TENM2: variants seen among roughly 807,000 people sequenced by gnomAD.
TENM2 encodes teneurin transmembrane protein 2, also known as teneurin-2.
TENM2 carries 52 observed loss-of-function variants against 245.2 expected under a neutral mutation model. The observed-to-expected ratio is 0.21, with a 90% CI of 0.17 to 0.27. The LOEUF is 0.27. Among genes scored for constraint, TENM2 ranks in the 10% least tolerant of loss-of-function variants. The pLI is 1.00. For missense variants in TENM2, 3,046 were observed against 3,666.8 expected, an observed-to-expected ratio of 0.83 and a Z score of 4.37; for synonymous variants, 1,363 against 1,438.9, an observed-to-expected ratio of 0.95 and a Z score of 1.19.
the TENM2 span, among the ~76,000 whole-genome samples, chr5:167,073,878 T>C: frequency 6.6e-6 from 1 of 152,194 alleles, no homozygotes; most frequent in African/African-American, 2.4e-5. Flanking sequence ...CCCGGTTAAA[T>C]TGTTTCTGCT....
At chr5:167,112,444 A>C in the TENM2 span, among the ~76,000 whole-genome samples, 347 of 152,352 alleles carry the variant, frequency 2.3e-3, 3 homozygotes, top group African/African-American at 7.9e-3. Context: ...AAAAAGGTTC[A>C]TGTACATATG....
At chr5:167,633,407 A>T (rs1778996339) in intron 2 of TENM2, among the ~76,000 whole-genome samples, 1 of 152,134 alleles carries the variant, frequency 6.6e-6, no homozygotes, top group Non-Finnish European at 1.5e-5. Context: ...AAAAATTAAG[A>T]CTTGAATTAG....
rs921048767 is a variant in TENM2 at position 167,914,285 on chromosome 5, A to G, written c.712+38090A>G. ...AGTACAAAATGGTTTGATTTGTGCT[A>G]AAATCAAGGAGTCAGCAAGGCTGAA... On this transcript the variant is annotated intron_variant, in intron 3 of 28. Coordinates refer to ENST00000518659, the Ensembl canonical transcript of TENM2. Among the ~76,000 whole-genome samples, 3 of 152,220 alleles carry G rather than the reference A, an allele frequency of 2.0e-5. No individual in the cohort carries two copies. The East Asian group carries it at 5.8e-4, about 29-fold the overall frequency.
intron 2 of TENM2, among the ~76,000 whole-genome samples, chr5:167,696,028 C>T (rs970719013): frequency 4.1e-5 from 6 of 144,850 alleles, no homozygotes; most frequent in African/African-American, 7.6e-5. Flanking sequence ...AGCAAGACTC[C>T]GTCAAAAAAA....
chr5:167,078,973 C>T, the TENM2 span, among the ~76,000 whole-genome samples: 1 of 151,932 alleles, frequency 6.6e-6, no homozygotes, highest in African/African-American at 2.4e-5. Context: ...GTGGGACTCC[C>T]TAGAGAGGGA....
chr5:167,468,829 G>T (rs1766830482), intron 2 of TENM2, among the ~76,000 whole-genome samples: 1 of 152,068 alleles, frequency 6.6e-6, no homozygotes, highest in East Asian at 1.9e-4. Context: ...TAATTCAGCA[G>T]TTTTAACATG....
At chr5:167,451,775 A>G (rs1379152245) in intron 2 of TENM2, among the ~76,000 whole-genome samples, 1 of 151,986 alleles carries the variant, frequency 6.6e-6, no homozygotes. Context: ...CCGCCTCCCA[A>G]GTAGCTGGGA....
intron 7 of TENM2, among the ~76,000 whole-genome samples, chr5:168,062,534 C>G (rs992498329): frequency 6.6e-6 from 1 of 152,080 alleles, no homozygotes; most frequent in Non-Finnish European, 1.5e-5. Context: ...TAGGTATATA[C>G]CCAGAGAAAA....
chr5:167,060,835 A>G, the TENM2 span, among the ~76,000 whole-genome samples: 1 of 151,986 alleles, frequency 6.6e-6, no homozygotes, highest in Admixed American at 6.6e-5. Flanking sequence ...TTCAACATTC[A>G]TTTTGGACTC....
chr5:168,240,728 A>T (rs78363072), intron 25 of TENM2, among the ~76,000 whole-genome samples: 208 of 152,014 alleles, frequency 1.4e-3, no homozygotes, highest in African/African-American at 4.0e-3. Flanking sequence ...AAGAAAAAAA[A>T]ATATAAGAAA....
At chr5:167,861,116 C>G (rs10066693) in intron 2 of TENM2, among the ~76,000 whole-genome samples, 3,830 of 151,800 alleles carry the variant, frequency 0.025, 166 homozygotes, top group African/African-American at 0.086. Context: ...CCCTAGCAAT[C>G]GCTCACTTGG....
At chr5:167,682,726 T>C (rs7724248) in intron 2 of TENM2, among the ~76,000 whole-genome samples, 68,368 of 151,794 alleles carry the variant, frequency 0.45, 17,582 homozygotes, top group East Asian at 0.9. Flanking sequence ...GCTGCGTGGC[T>C]TGGTTCCCAA....
chr5:167,192,583 G>A, the TENM2 span, among the ~76,000 whole-genome samples: 1 of 152,006 alleles, frequency 6.6e-6, no homozygotes, highest in Non-Finnish European at 1.5e-5. Context: ...GAACCACATT[G>A]GGTGTGATCT....
At chr5:167,418,615 A>C (rs1763304080) in intron 2 of TENM2, among the ~76,000 whole-genome samples, 1 of 152,224 alleles carries the variant, frequency 6.6e-6, no homozygotes, top group Non-Finnish European at 1.5e-5. Flanking sequence ...AGAATCTGTG[A>C]CCAACAGGAA....
chr5:168,141,102 C>T (rs1337107411), intron 12 of TENM2, among the ~76,000 whole-genome samples: 2 of 152,076 alleles, frequency 1.3e-5, no homozygotes, highest in Non-Finnish European at 2.9e-5. Context: ...GCTCTATGTC[C>T]TGCTCTACTC....
At chr5:167,340,423 G>C (rs1176443195) in intron 1 of TENM2, among the ~76,000 whole-genome samples, 1 of 152,122 alleles carries the variant, frequency 6.6e-6, no homozygotes, top group African/African-American at 2.4e-5. Context: ...CCAAGATCAG[G>C]GTCCCAGCAT....
chr5:167,756,185 AC>A (rs1336827994), intron 2 of TENM2, among the ~76,000 whole-genome samples: 3 of 152,164 alleles, frequency 2.0e-5, no homozygotes, highest in African/African-American at 7.2e-5. Flanking sequence ...TATAGACACA[AC>A]CAAACAAACC....
At chr5:167,878,348 A>G (rs1773596128) in intron 3 of TENM2, among the ~76,000 whole-genome samples, 2 of 152,180 alleles carry the variant, frequency 1.3e-5, no homozygotes. Flanking sequence ...AGAAAATGCC[A>G]CAGAAAATTT....
At chr5:167,520,664 G>C (rs1770692506) in intron 2 of TENM2, among the ~76,000 whole-genome samples, 2 of 152,046 alleles carry the variant, frequency 1.3e-5, no homozygotes, top group African/African-American at 2.4e-5. Flanking sequence ...CGTCATTCCA[G>C]TGCTTTGTCT....
Sources: allele counts gnomAD v4.1 joint callset (sites outside exome capture counted in the v4.1 genomes callset), GRCh38; gene constraint gnomAD v4.1.1; transcripts MANE v1.5; gene names NCBI Gene and HGNC (gene_info 2026-07-23, HGNC 2026-07-21).